Variants in SLC45A4 observed in about 807,000 individuals in gnomAD.
The protein encoded by SLC45A4 is solute carrier family 45 member 4, also known as polyamine-transporter SLC45A4.
A neutral mutation model predicts 63.7 loss-of-function variants in SLC45A4; 32 were observed. The observed-to-expected ratio is 0.50, with a 90% CI of 0.38 to 0.67. SLC45A4 has a LOEUF of 0.67. Among genes scored for constraint, SLC45A4 ranks in the 30% least tolerant of loss-of-function variants. The pLI is 0.00. For missense variants in SLC45A4, 1,027 were observed against 1,157.7 expected, an observed-to-expected ratio of 0.89 and a Z score of 1.64; for synonymous variants, 535 against 510.0, an observed-to-expected ratio of 1.05 and a Z score of -0.66.
rs771784145 is a variant in SLC45A4, at chr8:141,218,124, T to G, written c.1516A>C (p.Arg506=). 2.5e-6 allele frequency: 4 copies of G among 1,611,814 alleles called. No homozygotes were observed. The East Asian group carries it at 6.7e-5, about 27-fold the overall frequency. ...LLWLSMLKMP[R]ELMRLCLCHL... ...CAGAGGCACAGCCGCATCAGCTCCC[T>G]GGGCATCTTCAGCATGGAGAGCCAC... Residue 506 remains arginine, a synonymous_variant, in exon 5 of 9, where the codon AGG becomes CGG. Coordinates refer to ENST00000517878, the MANE Select transcript of SLC45A4 (RefSeq NM_001286646.2).
intron 2 of SLC45A4, among the ~76,000 whole-genome samples, chr8:141,241,904 C>T (rs923017641): frequency 5.3e-5 from 8 of 152,238 alleles, no homozygotes; most frequent in Non-Finnish European, 1.2e-4. Context: ...GCCATTCCTG[C>T]CGGGACACAG....
intron 1 of SLC45A4, among the ~76,000 whole-genome samples, chr8:141,269,519 G>A (rs1402344109): frequency 2.0e-5 from 3 of 150,150 alleles, no homozygotes; most frequent in Non-Finnish European, 4.4e-5. Context: ...TGTGTGTATC[G>A]ATGTCTGCCT....
intron 1 of SLC45A4, among the ~76,000 whole-genome samples, chr8:141,260,007 T>C (rs1828982854): frequency 6.6e-6 from 1 of 152,200 alleles, no homozygotes; most frequent in South Asian, 2.1e-4. Flanking sequence ...CACCGGCTTA[T>C]GCGTCCCTGA....
intron 1 of SLC45A4, among the ~76,000 whole-genome samples, chr8:141,304,777 G>A (rs1321345574): frequency 6.6e-6 from 1 of 152,110 alleles, no homozygotes; most frequent in Non-Finnish European, 1.5e-5. Flanking sequence ...GTCTGAGGTG[G>A]GAACAACAGC....
chr8:141,228,071 A>G, intron 2 of SLC45A4: 2 of 1,336,860 alleles, frequency 1.5e-6, no homozygotes, highest in Non-Finnish European at 2.1e-6. Flanking sequence ...CTGAGGGGAG[A>G]GCTGTGTGGA....
chr8:141,301,979 A>G (rs926061744), intron 1 of SLC45A4, among the ~76,000 whole-genome samples: 2 of 152,064 alleles, frequency 1.3e-5, no homozygotes, highest in Admixed American at 6.6e-5. Context: ...AAAAAAAAGA[A>G]TGAGGGATGA....
At chr8:141,249,300 C>A (rs1241004110) in intron 2 of SLC45A4, among the ~76,000 whole-genome samples, 11 of 152,168 alleles carry the variant, frequency 7.2e-5, no homozygotes, top group Non-Finnish European at 1.0e-4. Context: ...ATTATCACAG[C>A]CTCCAAAATG....
chr8:141,261,505 G>A (rs1291632098), intron 1 of SLC45A4, among the ~76,000 whole-genome samples: 1 of 152,112 alleles, frequency 6.6e-6, no homozygotes, highest in Non-Finnish European at 1.5e-5. Flanking sequence ...TCCTTAAGCT[G>A]ATAAGCAACT....
chr8:141,262,927 C>T (rs1218306571), intron 1 of SLC45A4, among the ~76,000 whole-genome samples: 16 of 151,392 alleles, frequency 1.1e-4, no homozygotes, highest in Non-Finnish European at 1.2e-4. Flanking sequence ...ATGTTTATTG[C>T]AGCACTATTC....
chr8:141,268,233 T>C (rs375242878), intron 1 of SLC45A4, among the ~76,000 whole-genome samples: 4 of 152,188 alleles, frequency 2.6e-5, no homozygotes, highest in Admixed American at 6.5e-5. Context: ...AACTGCGTGA[T>C]TCCAACTAGA....
Position 141,278,096 on chromosome 8 carries a change from A to G in SLC45A4, c.-400-23467T>C, listed in dbSNP as rs1411987627. ...TCCGACTTATAAGTCACTGTTTTAA[A>G]TACAGCACACTTCTCATCTGCGAAT... On this transcript the variant is annotated intron_variant, in intron 1 of 8. Coordinates refer to ENST00000517878, the MANE Select transcript of SLC45A4 (RefSeq NM_001286646.2). The surrounding 1 kb of genome is among the most constrained non-coding windows in gnomAD (Gnocchi z 4.1). The G allele has an allele frequency of 6.6e-6, 1 of 152,292 alleles. No homozygotes were observed. The highest frequency in any genetic ancestry group is 2.4e-5 in the African/African-American group (1 of 41,442). The allele number at this position is 152,292 out of a possible 1,614,324, so 9.4% of individuals were successfully genotyped here.
Position 141,211,133 on chromosome 8 carries a change from T to C in SLC45A4, c.*439A>G, listed in dbSNP as rs1049430396. The C allele has an allele frequency of 2.8e-5, 8 of 288,048 alleles. No individual in the cohort carries two copies. The highest frequency in any genetic ancestry group is 1.6e-4 in the Admixed American group (3 of 19,146). 17.8% of individuals were successfully genotyped at this position (288,048 alleles called of 1,614,324 possible). A position where few individuals can be genotyped will look rare whatever the true frequency, so the allele number is the denominator to read the frequency against. Reference sequence around the variant, plus strand: ...CCCTCGCACATCCACACACCCGAGGTAGCCTTGCGGCGGGACTTGGGAGGC... The same window carrying C: ...CCCTCGCACATCCACACACCCGAGGCAGCCTTGCGGCGGGACTTGGGAGGC... On this transcript the variant is annotated 3_prime_UTR_variant, in exon 9 of 9. Transcript: ENST00000517878.
intron 2 of SLC45A4, among the ~76,000 whole-genome samples, chr8:141,242,995 T>C (rs1276700068): frequency 6.6e-6 from 1 of 152,258 alleles, no homozygotes; most frequent in African/African-American, 2.4e-5. Context: ...TACCGGGTGG[T>C]GACAGAGAGC....
At chr8:141,231,879 T>C (rs1019963556) in intron 2 of SLC45A4, among the ~76,000 whole-genome samples, 5 of 152,186 alleles carry the variant, frequency 3.3e-5, no homozygotes, top group Non-Finnish European at 7.3e-5. Context: ...TGAGGGCAAA[T>C]GGCCCGAGAT....
At chr8:141,219,353 C>T (rs1826433387) in intron 4 of SLC45A4, among the ~76,000 whole-genome samples, 1 of 152,220 alleles carries the variant, frequency 6.6e-6, no homozygotes, top group Admixed American at 6.5e-5. Flanking sequence ...GGAGTACTGC[C>T]CTGCTGGAGG....
chr8:141,258,344 G>A (rs1422538870), intron 1 of SLC45A4, among the ~76,000 whole-genome samples: 5 of 152,198 alleles, frequency 3.3e-5, no homozygotes, highest in African/African-American at 1.2e-4. Flanking sequence ...CAGGAGTGTA[G>A]GTGGCAACGC....
At chr8:141,303,832 C>G (rs368356445) in intron 1 of SLC45A4, among the ~76,000 whole-genome samples, 1 of 152,334 alleles carries the variant, frequency 6.6e-6, no homozygotes, top group African/African-American at 2.4e-5. Context: ...GTACCGAGAC[C>G]CAGGTCTGAA....
chr8:141,246,690 G>A (rs1277348391), intron 2 of SLC45A4, among the ~76,000 whole-genome samples: 1 of 66,044 alleles, frequency 1.5e-5, no homozygotes, highest in South Asian at 4.5e-4. Flanking sequence ...GTCTCTTAGA[G>A]CCTCTTTATA....
chr8:141,232,454 A>T (rs1386458853), intron 2 of SLC45A4, among the ~76,000 whole-genome samples: 1 of 152,250 alleles, frequency 6.6e-6, no homozygotes, highest in East Asian at 1.9e-4. Flanking sequence ...CCAAGCATGG[A>T]ACAATCACGC....
Sources: allele counts gnomAD v4.1 joint callset (sites outside exome capture counted in the v4.1 genomes callset), GRCh38; gene constraint gnomAD v4.1.1; non-coding constraint Gnocchi (gnomAD v3.1); transcripts MANE v1.5; gene names NCBI Gene and HGNC (gene_info 2026-07-23, HGNC 2026-07-21).